Variants in IQGAP1 observed in about 807,000 individuals in gnomAD.
IQGAP1 encodes the protein IQ motif containing GTPase activating protein 1.
A neutral mutation model predicts 215.6 loss-of-function variants in IQGAP1; 66 were observed. The ratio of observed to expected loss-of-function variants is 0.31; its 90% CI spans 0.25 to 0.38. The LOEUF (loss-of-function observed/expected upper bound fraction) is 0.38. Among genes scored for constraint, IQGAP1 ranks in the 10% least tolerant of loss-of-function variants. The pLI is 1.00. For synonymous variants in IQGAP1, 772 were observed against 728.7 expected (o/e 1.06, Z -0.96); for missense variants, 1,712 against 1,997.1 (o/e 0.86, Z 2.72).
intron 9 of IQGAP1, among the ~76,000 whole-genome samples, chr15:90,448,369 A>G (rs1965553345): frequency 6.6e-6 from 1 of 152,108 alleles, no homozygotes; most frequent in Non-Finnish European, 1.5e-5. Flanking sequence ...AAATCTGATG[A>G]ATAGCTTGTT....
chr15:90,494,629 C>CT, intron 35 of IQGAP1, 84 bp from the exon 36 acceptor site: 1 of 1,237,410 alleles, frequency 8.1e-7, no homozygotes, highest in Non-Finnish European at 1.1e-6. Flanking sequence ...AGTTTGGTTT[C>CT]TGACATGTTT....
At chr15:90,394,963 G>A (rs1278156340) in intron 2 of IQGAP1, among the ~76,000 whole-genome samples, 1 of 152,164 alleles carries the variant, frequency 6.6e-6, no homozygotes, top group African/African-American at 2.4e-5. Context: ...AAGTAAGAGA[G>A]TATAAGTGTA....
chr15:90,501,277 A>G lies in IQGAP1; in HGVS notation c.*1169A>G, dbSNP rs1443638095. Reference sequence around the variant, plus strand: ...TCTCCTTTTTTCTCTTGCTGCCCACATTGTGCCTTTATTTTATGAGCCCCA... The same window carrying G: ...TCTCCTTTTTTCTCTTGCTGCCCACGTTGTGCCTTTATTTTATGAGCCCCA... On this transcript the variant is annotated 3_prime_UTR_variant, in exon 38 of 38. Coordinates refer to ENST00000268182, the MANE Select transcript of IQGAP1 (RefSeq NM_003870.4). The G allele has an allele frequency of 6.6e-6, 1 of 151,724 alleles. No homozygotes were observed. Among genetic ancestry groups the G allele is most frequent in the Non-Finnish European group, 1.5e-5 (1 of 67,982 alleles). The allele number at this position is 151,724 out of a possible 1,614,324, so 9.4% of individuals were successfully genotyped here. A position where few individuals can be genotyped will look rare whatever the true frequency, so the allele number is the denominator to read the frequency against.
At position 90,449,581 on chromosome 15, in the gene IQGAP1, A is replaced by C. The variant is rs745825285; in HGVS notation, c.1100A>C (p.Gln367Pro). Residue 367 changes from glutamine (Q) to proline (P), a missense_variant, in exon 11 of 38, where the codon CAG becomes CCG. This residue lies in a region of IQGAP1 where 1,021 missense variants were observed against 1,074.2 expected (regional missense o/e 0.95). Transcript: ENST00000268182. ...KRQSGQTDPL[Q>P]KEELQSGVDA... Reference sequence around the variant, plus strand: ...CAGAGTGGTCAGACTGACCCCCTGCAGAAGGAGGAGCTGCAGTCTGGAGTG... The same window carrying C: ...CAGAGTGGTCAGACTGACCCCCTGCCGAAGGAGGAGCTGCAGTCTGGAGTG... The C allele has an allele frequency of 6.2e-7, 1 of 1,613,084 alleles. No homozygotes were observed. The highest frequency in any genetic ancestry group is 1.3e-5 in the African/African-American group (1 of 75,040).
At chr15:90,450,615 AT>A (rs1205685130) in intron 11 of IQGAP1, among the ~76,000 whole-genome samples, 1 of 151,658 alleles carries the variant, frequency 6.6e-6, no homozygotes, top group Non-Finnish European at 1.5e-5. Flanking sequence ...AGCATTTGTT[AT>A]TTTTTGTCTT....
chr15:90,449,771 T>C (rs1965575939), intron 11 of IQGAP1, 128 bp downstream of exon 11: 3 of 655,326 alleles, frequency 4.6e-6, no homozygotes, highest in Admixed American at 3.2e-5. Context: ...GCCAGGTACT[T>C]TTGGTGGCAG....
Position 90,410,445 on chromosome 15 carries a change from A to C in IQGAP1, c.156-15665A>C, listed in dbSNP as rs1345822000. ...ACACTTGGAACCAACCCAAATGTCC[A>C]TCAGTGATAGACTGGATTAAGAAAA... On this transcript the variant is annotated intron_variant, in intron 2 of 37. Coordinates refer to ENST00000268182, the MANE Select transcript of IQGAP1 (RefSeq NM_003870.4). Among the ~76,000 whole-genome samples, 33 of 152,216 alleles carry C rather than the reference A, an allele frequency of 2.2e-4. 1 individual carries two copies. The highest frequency in any genetic ancestry group is 2.2e-3 in the Admixed American group (33 of 15,282).
intron 2 of IQGAP1, among the ~76,000 whole-genome samples, chr15:90,422,668 A>G (rs1424517749): frequency 8.9e-5 from 11 of 124,074 alleles, no homozygotes; most frequent in Non-Finnish European, 1.1e-4. Flanking sequence ...ATGTATATAT[A>G]TATATATATA....
At chr15:90,398,895 A>G (rs1351713233) in intron 2 of IQGAP1, among the ~76,000 whole-genome samples, 1 of 150,068 alleles carries the variant, frequency 6.7e-6, no homozygotes, top group African/African-American at 2.5e-5. Context: ...AATCCCAGCT[A>G]CTCTGGAAGC....
At chr15:90,470,038 T>C (rs552229731) in intron 18 of IQGAP1, among the ~76,000 whole-genome samples, 5 of 152,296 alleles carry the variant, frequency 3.3e-5, no homozygotes, top group Admixed American at 1.3e-4. Context: ...GAGAATCTTA[T>C]TAACCTCCAC....
chr15:90,406,913 C>T (rs576617631), intron 2 of IQGAP1, among the ~76,000 whole-genome samples: 4 of 152,160 alleles, frequency 2.6e-5, no homozygotes, highest in East Asian at 1.9e-4. Flanking sequence ...CTGAGAAGTT[C>T]ATTAACTCAT....
intron 2 of IQGAP1, chr15:90,393,862 G>C (rs1034102251): frequency 2.0e-5 from 3 of 151,990 alleles, no homozygotes; most frequent in Admixed American, 6.6e-5. Context: ...GACCTGGCCC[G>C]GTGGCTCACG....
At chr15:90,416,947 C>G (rs899721100) in intron 2 of IQGAP1, among the ~76,000 whole-genome samples, 3 of 152,098 alleles carry the variant, frequency 2.0e-5, no homozygotes, top group Non-Finnish European at 4.4e-5. Flanking sequence ...TTTTGATTTG[C>G]ATTTCTCTGA....
Position 90,482,031 on chromosome 15 carries a change from C to T in IQGAP1, c.3401C>T (p.Ser1134Phe). 1 of 1,614,228 alleles carries T rather than the reference C, an allele frequency of 6.2e-7. No individual in the cohort carries two copies. Among genetic ancestry groups the T allele is most frequent in the Non-Finnish European group, 8.5e-7 (1 of 1,180,050 alleles). Residue 1134 changes from serine to phenylalanine, a missense_variant, in exon 27 of 38, where the codon TCC (serine) becomes TTC (phenylalanine). Physicochemically the swap from Ser to Phe is radical, Grantham distance 155 (BLOSUM62 -2). This residue lies in a region of IQGAP1 where 691 missense variants were observed against 923.0 expected (regional missense o/e 0.75). Coordinates refer to ENST00000268182, the MANE Select transcript of IQGAP1 (RefSeq NM_003870.4). ...HEEVKTRLDSSIRNMRAVTDK... is the reference protein window; with the variant it reads ...HEEVKTRLDSFIRNMRAVTDK... ...GAAGTGAAGACACGGCTAGACAGCT[C>T]CATCAGGAACATGCGGGCTGTGACA...
chr15:90,429,044 G>A (rs1366505109), intron 3 of IQGAP1, among the ~76,000 whole-genome samples: 2 of 152,018 alleles, frequency 1.3e-5, no homozygotes, highest in East Asian at 1.9e-4. Context: ...GTAGAGATGG[G>A]ATTTCACCAT....
intron 18 of IQGAP1, among the ~76,000 whole-genome samples, 163 bp from the exon 19 acceptor site, chr15:90,472,677 T>C (rs1309198042): frequency 6.6e-6 from 1 of 151,694 alleles, no homozygotes; most frequent in Non-Finnish European, 1.5e-5. Flanking sequence ...AACCTAGTCC[T>C]AAAAAACAGA....
chr15:90,413,588 C>T (rs905681061), intron 2 of IQGAP1, among the ~76,000 whole-genome samples: 1 of 152,078 alleles, frequency 6.6e-6, no homozygotes, highest in African/African-American at 2.4e-5. Context: ...GCATGGCATT[C>T]CAGAGATGTA....
chr15:90,468,227 G>A (rs115170379), intron 18 of IQGAP1, among the ~76,000 whole-genome samples: 2,090 of 152,134 alleles, frequency 0.014, 40 homozygotes, highest in African/African-American at 0.047. Context: ...CACCACACCT[G>A]GCTAATTTTG....
chr15:90,424,441 G>A (rs531326428), intron 2 of IQGAP1, among the ~76,000 whole-genome samples: 2 of 152,202 alleles, frequency 1.3e-5, no homozygotes, highest in East Asian at 1.9e-4. Context: ...GCTTATCATC[G>A]AGTATAGGAA....
Sources: allele counts gnomAD v4.1 joint callset (sites outside exome capture counted in the v4.1 genomes callset), GRCh38; gene constraint gnomAD v4.1.1; regional missense constraint gnomAD v4.1.1; transcripts MANE v1.5; gene names NCBI Gene and HGNC (gene_info 2026-07-23, HGNC 2026-07-21).